DPYSL2: variants seen among roughly 807,000 people sequenced by gnomAD.
The protein encoded by DPYSL2 is dihydropyrimidinase-related protein 2.
In DPYSL2, 13 loss-of-function variants were observed where a neutral mutation model predicts 69.9. That is an observed-to-expected ratio of 0.19 (90% CI 0.12 to 0.30). The LOEUF is 0.30. Ranked by LOEUF, DPYSL2 falls within the 10% of genes least tolerant of loss-of-function variation. The pLI is 1.00. For synonymous variants in DPYSL2, 326 were observed against 359.1 expected (o/e 0.91, Z 1.04); for missense variants, 587 against 918.9 (o/e 0.64, Z 4.67).
intron 3 of DPYSL2, among the ~76,000 whole-genome samples, chr8:26,599,543 C>CTCCCG (rs1845461978): frequency 6.6e-6 from 1 of 150,646 alleles, no homozygotes; most frequent in African/African-American, 2.4e-5. Flanking sequence ...CTCCCCTCCC[C>CTCCCG]TCCCCTCCCT....
intron 7 of DPYSL2, among the ~76,000 whole-genome samples, chr8:26,632,089 C>T (rs1395564422): frequency 6.6e-6 from 1 of 152,156 alleles, no homozygotes; most frequent in Non-Finnish European, 1.5e-5. Context: ...GTTCCTAACC[C>T]ACTAGGCCTT....
chr8:26,585,977 T>C lies in DPYSL2; in HGVS notation c.628+1994T>C, dbSNP rs929232912. On this transcript the variant is annotated intron_variant, in intron 3 of 13. Coordinates refer to ENST00000521913, the MANE Select transcript of DPYSL2 (RefSeq NM_001197293.3). The surrounding 1 kb of genome is among the most constrained non-coding windows in gnomAD (Gnocchi z 4.0). ...AAATTAGCTAGGCATGGTGGCATGC[T>C]CCTGGAGTCCCAGCTACTTGGGAGG... 6.6e-6 allele frequency among the ~76,000 whole-genome samples: 1 copy of C among 152,060 alleles called. No individual in the cohort carries two copies. The highest frequency in any genetic ancestry group is 1.5e-5 in the Non-Finnish European group (1 of 67,998).
chr8:26,561,860 T>C (rs1463814552), intron 1 of DPYSL2, among the ~76,000 whole-genome samples: 1 of 152,172 alleles, frequency 6.6e-6, no homozygotes, highest in African/African-American at 2.4e-5. Context: ...TAATGCTGGC[T>C]CACTTGCTGC....
intron 3 of DPYSL2, among the ~76,000 whole-genome samples, chr8:26,607,719 G>C (rs186480012): frequency 1.3e-5 from 2 of 152,002 alleles, no homozygotes; most frequent in East Asian, 1.9e-4. Context: ...GAGCCTGGCA[G>C]GTTGAGGCTG....
chr8:26,615,892 G>GTGCT (rs1802336278), intron 3 of DPYSL2, among the ~76,000 whole-genome samples: 1 of 152,180 alleles, frequency 6.6e-6, no homozygotes, highest in South Asian at 2.1e-4. Flanking sequence ...AAGGCAGCAC[G>GTGCT]TGCTTTGGAG....
chr8:26,516,014 G>T lies in DPYSL2; in HGVS notation c.354+1335G>T, dbSNP rs1032409349. Among the ~76,000 whole-genome samples, 5 of 152,170 alleles carry T rather than the reference G, an allele frequency of 3.3e-5. No individual in the cohort carries two copies. The highest frequency in any genetic ancestry group is 7.4e-5 in the Non-Finnish European group (5 of 68,026). ...GGTGATGATGGTTGGGGCATGATTT[G>T]ACTGTTTGCTGATGTGACATAGAGT... On this transcript the variant is annotated intron_variant, in intron 1 of 13. Transcript: ENST00000521913. This position sits in a 1 kb window ranked among gnomAD's most constrained non-coding sequence, Gnocchi z 4.8.
In DPYSL2 at chr8:26,633,335, C is replaced by T. The variant is rs147302413; in HGVS notation, c.1006-1445C>T. Among the ~76,000 whole-genome samples the T allele has an allele frequency of 4.9e-4, 75 of 152,288 alleles. 1 individual carries two copies. Among genetic ancestry groups the T allele is most frequent in the African/African-American group, 1.8e-3 (74 of 41,580 alleles). On this transcript the variant is annotated intron_variant, in intron 7 of 13. Transcript: ENST00000521913. ...GTGATGTTCTGAGATCTGCCTTCCACAATTTCACCTGCTCCTTCCCTTGCT... is the reference window on the plus strand; with the variant it reads ...GTGATGTTCTGAGATCTGCCTTCCATAATTTCACCTGCTCCTTCCCTTGCT...
Position 26,599,801 on chromosome 8 carries a change from A to G in DPYSL2, c.628+15818A>G, listed in dbSNP as rs573994526. Among the ~76,000 whole-genome samples, 126 of 152,334 alleles carry G rather than the reference A, an allele frequency of 8.3e-4. 1 individual carries two copies. The highest frequency in any genetic ancestry group is 3.0e-3 in the African/African-American group (124 of 41,574). The stretch of plus-strand genomic sequence containing the variant: ...CCTCAGATTCACTCTCTGAAAGTGT[A>G]TAACTCAGTGCTTTTTAGTATATTC... On this transcript the variant is annotated intron_variant, in intron 3 of 13. Transcript: ENST00000521913.
chr8:26,529,233 AATCT>A (rs56968092), intron 1 of DPYSL2, among the ~76,000 whole-genome samples: 1,470 of 143,914 alleles, frequency 0.01, 24 homozygotes, highest in African/African-American at 0.028. Context: ...TATAAATTTA[AATCT>A]ATCTATCTAT....
rs1803423778 is a variant in DPYSL2 at position 26,657,654 on chromosome 8, GA to G, written c.*1955del. ...ACTTAGAGGAAATTTGAACAAGTTG[GA>G]AAAAAACAATTTTTGTTTCAATTCT... On this transcript the variant is annotated 3_prime_UTR_variant, in exon 14 of 14. Transcript: ENST00000521913. 6.6e-6 allele frequency: 1 copy of G among 152,412 alleles called. No individual in the cohort carries two copies. Among genetic ancestry groups the G allele is most frequent in the Non-Finnish European group, 1.5e-5 (1 of 68,002 alleles). 9.4% of individuals were successfully genotyped at this position (152,412 alleles called of 1,614,324 possible). A position where few individuals can be genotyped will look rare whatever the true frequency, so the allele number is the denominator to read the frequency against.
Position 26,655,736 on chromosome 8 carries a change from CTG to C in DPYSL2, c.*31_*32del. On this transcript the variant is annotated 3_prime_UTR_variant, in exon 14 of 14. Coordinates refer to ENST00000521913, the MANE Select transcript of DPYSL2 (RefSeq NM_001197293.3). ...CCTGGGCTGTGCCGTCCACTGGGGA[CTG>C]GGGATGGGACACCTGAGGACATTCT... 6.5e-7 allele frequency: 1 copy of C among 1,546,942 alleles called. No individual in the cohort carries two copies. Among genetic ancestry groups the C allele is most frequent in the Non-Finnish European group, 8.8e-7 (1 of 1,139,118 alleles).
At chr8:26,541,050 ATCTTAAGTC>A (rs1487077910) in intron 1 of DPYSL2, among the ~76,000 whole-genome samples, 2 of 152,298 alleles carry the variant, frequency 1.3e-5, no homozygotes, top group East Asian at 3.9e-4. Flanking sequence ...AAGTCAAAAA[ATCTTAAGTC>A]AAAACACCAT....
intron 1 of DPYSL2, among the ~76,000 whole-genome samples, chr8:26,546,397 T>C (rs1231906863): frequency 1.3e-5 from 2 of 152,232 alleles, no homozygotes; most frequent in Non-Finnish European, 2.9e-5. Flanking sequence ...TTGATTGTTT[T>C]AGACCTTCTA....
chr8:26,616,831 G>A (rs1802362922), intron 3 of DPYSL2, among the ~76,000 whole-genome samples: 1 of 152,062 alleles, frequency 6.6e-6, no homozygotes, highest in African/African-American at 2.4e-5. Flanking sequence ...ATAACCCCAA[G>A]GTGGGATCAC....
chr8:26,611,138 A>G (rs914137459), intron 3 of DPYSL2, among the ~76,000 whole-genome samples: 4 of 152,206 alleles, frequency 2.6e-5, no homozygotes, highest in African/African-American at 9.6e-5. Flanking sequence ...TAGAGCCAGG[A>G]TTCTACCCAG....
rs868339516 is a variant in DPYSL2, at chr8:26,622,171, T to C, written c.629-1972T>C. ...CTTCCTTCCTTCCCTCTCTCTCTCT[T>C]TCTTTCTTTCTTTCTTTTATTTTTG... On this transcript the variant is annotated intron_variant, in intron 3 of 13. Coordinates refer to ENST00000521913, the MANE Select transcript of DPYSL2 (RefSeq NM_001197293.3). Among the ~76,000 whole-genome samples the C allele has an allele frequency of 2.5e-3, 255 of 100,072 alleles. 1 individual carries two copies. Among genetic ancestry groups the C allele is most frequent in the Non-Finnish European group, 3.6e-3 (163 of 44,966 alleles). The allele number at this position is 100,072 out of a possible 152,430, so 65.7% of individuals were successfully genotyped here. A position where few individuals can be genotyped will look rare whatever the true frequency, so the allele number is the denominator to read the frequency against.
intron 1 of DPYSL2, among the ~76,000 whole-genome samples, chr8:26,518,271 G>T (rs1808325849): frequency 6.6e-6 from 1 of 152,262 alleles, no homozygotes; most frequent in African/African-American, 2.4e-5. Context: ...CAAAACAGGA[G>T]ATACAAGCAT....
chr8:26,561,345 C>A (rs56155936), intron 1 of DPYSL2, among the ~76,000 whole-genome samples: 4,281 of 152,238 alleles, frequency 0.028, 205 homozygotes, highest in African/African-American at 0.096. Context: ...TCCATCTTTA[C>A]CTCCTCCTCA....
intron 1 of DPYSL2, among the ~76,000 whole-genome samples, chr8:26,553,289 G>A (rs924492883): frequency 2.6e-5 from 4 of 152,012 alleles, no homozygotes; most frequent in African/African-American, 4.8e-5. Context: ...AACTTATGTC[G>A]TGGGGGGTTT....
Sources: gnomAD v4.1 joint callset for allele counts (sites outside exome capture counted in the v4.1 genomes callset) on GRCh38, gnomAD v4.1.1 for gene constraint, Gnocchi (gnomAD v3.1) non-coding constraint, MANE v1.5 for transcripts, NCBI Gene and HGNC (gene_info 2026-07-23, HGNC 2026-07-21) for gene names.